Variants in TTLL12 observed in about 807,000 individuals in gnomAD.
TTLL12 encodes the protein tubulin tyrosine ligase like 12, also known as tubulin--tyrosine ligase-like protein 12.
A neutral mutation model predicts 79.6 loss-of-function variants in TTLL12; 77 were observed. The observed-to-expected ratio is 0.97, with a 90% CI of 0.81 to 1.17. The LOEUF is 1.17. Among genes scored for constraint, TTLL12 ranks in the 50% most tolerant of loss-of-function variants. The probability of loss-of-function intolerance (pLI) is 0.00; values close to 1 mark genes in which losing one functional copy is unlikely to be tolerated. For missense variants in TTLL12, 969 were observed against 895.9 expected, an observed-to-expected ratio of 1.08 and a Z score of -1.04; for synonymous variants, 437 against 376.1, an observed-to-expected ratio of 1.16 and a Z score of -1.87.
Position 43,179,853 on chromosome 22 carries a change from G to C in TTLL12, c.694C>G (p.Leu232Val), listed in dbSNP as rs1338440571. ...AYTLLWPLRDLDTGEEVTRDF... is the reference protein window; with the variant it reads ...AYTLLWPLRDVDTGEEVTRDF... ...GTGCTGGACTTACCGCCAGTGTCCA[G>C]GTCCCTCAGGGGCCACAGCAGCGTG... Residue 232 changes from leucine to valine, a missense_variant, in exon 4 of 14, where the codon CTG becomes GTG. Leu to Val is a conservative substitution (Grantham distance 32, BLOSUM62 1). Transcript: ENST00000216129. The C allele has an allele frequency of 1.9e-6, 3 of 1,593,916 alleles. No homozygotes were observed. Among genetic ancestry groups the C allele is most frequent in the Non-Finnish European group, 2.6e-6 (3 of 1,169,716 alleles).
In TTLL12 at chr22:43,168,957, C is replaced by G. The variant is rs138931; in HGVS notation, c.1645-45G>C. On this transcript the variant is annotated intron_variant, in intron 12 of 13. Coordinates refer to ENST00000216129, the MANE Select transcript of TTLL12 (RefSeq NM_015140.4). Reference sequence around the variant, plus strand: ...AGTTACGAGGCCTGCTCAGAACAGCCTCTCAAGAGGGGGTCTGCTGCCCCT... The same window carrying G: ...AGTTACGAGGCCTGCTCAGAACAGCGTCTCAAGAGGGGGTCTGCTGCCCCT... 0.7 allele frequency: 1,093,328 copies of G among 1,568,662 alleles called. 385,061 individuals are homozygous for G. The highest frequency in any genetic ancestry group is 0.97 in the East Asian group (42,609 of 43,706).
At position 43,168,807 on chromosome 22, in the gene TTLL12, C is replaced by A. The variant is rs749825247; in HGVS notation, c.1750G>T (p.Asp584Tyr). The A allele has an allele frequency of 6.3e-7, 1 of 1,574,928 alleles. No individual in the cohort carries two copies. The highest frequency in any genetic ancestry group is 1.9e-5 in the Admixed American group (1 of 53,466). ...CCGTTGTCCCACTTCAGCATGAGGT[C>A]GACGGCATACATGGCCCGGGATGAG... ...YPSSRAMYAV[D>Y]LMLKWDNGPD... The change falls in exon 13 of 14, where the codon GAC becomes TAC. Residue 584 changes from aspartate (D) to tyrosine (Y), a missense_variant. Coordinates refer to ENST00000216129, the MANE Select transcript of TTLL12 (RefSeq NM_015140.4).
chr22:43,176,230 G>T, intron 6 of TTLL12, 90 bp downstream of exon 6: 3 of 976,646 alleles, frequency 3.1e-6, no homozygotes, highest in Non-Finnish European at 4.8e-6. Context: ...CACGTGCCAA[G>T]CACTGTTCTG....
chr22:43,186,266 C>T, intron 1 of TTLL12, among the ~76,000 whole-genome samples: 1 of 151,576 alleles, frequency 6.6e-6, no homozygotes, highest in Non-Finnish European at 1.5e-5. Context: ...GGCTCATCCC[C>T]AGCCAGGACA....
At chr22:43,182,948 G>A in intron 2 of TTLL12, 32 bp downstream of exon 2, 1 of 1,603,662 alleles carries the variant, frequency 6.2e-7, no homozygotes, top group Non-Finnish European at 8.5e-7. Context: ...ACCAAGTGAA[G>A]GTTGTGGTGG....
At chr22:43,169,000 C>T (rs1379883361) in intron 12 of TTLL12, 88 bp from the exon 13 acceptor site, 3 of 1,471,626 alleles carry the variant, frequency 2.0e-6, no homozygotes, top group Non-Finnish European at 2.7e-6. Flanking sequence ...TCCCGGGCCC[C>T]ACGTGGCCCA....
At chr22:43,185,250 TATATATA>T in intron 1 of TTLL12, among the ~76,000 whole-genome samples, 3 of 334 alleles carry the variant, frequency 9.0e-3, no homozygotes, top group Admixed American at 0.017. Flanking sequence ...AAAAAAATTA[TATATATA>T]TATATATATA....
intron 2 of TTLL12, 101 bp from the exon 3 acceptor site, chr22:43,181,041 G>T (rs1178524910): frequency 1.5e-6 from 2 of 1,341,700 alleles, no homozygotes; most frequent in Non-Finnish European, 1.0e-6. Flanking sequence ...CAGGGCCCAA[G>T]CTTCCTTAGA....
intron 2 of TTLL12, among the ~76,000 whole-genome samples, chr22:43,181,532 G>C (rs113395591): frequency 0.01 from 1,582 of 152,334 alleles, 26 homozygotes; most frequent in African/African-American, 0.036. Flanking sequence ...CCCACACACA[G>C]GACCCCTGCA....
At chr22:43,169,699 A>C (rs1432167901) in intron 11 of TTLL12, 131 bp from the exon 12 acceptor site, 2 of 871,980 alleles carry the variant, frequency 2.3e-6, no homozygotes, top group Non-Finnish European at 3.7e-6. Context: ...GCCAACCCCG[A>C]ACCCTCAGGG....
At position 43,185,920 on chromosome 22, in the gene TTLL12, G is replaced by A. The variant is rs185480307; in HGVS notation, c.177+973C>T. 14 of 976,682 alleles carry A rather than the reference G, an allele frequency of 1.4e-5. No individual in the cohort carries two copies. The South Asian group carries it at 2.4e-4, about 17-fold the overall frequency. 60.5% of individuals were successfully genotyped at this position (976,682 alleles called of 1,614,324 possible). On this transcript the variant is annotated intron_variant, in intron 1 of 13. Coordinates refer to ENST00000216129, the MANE Select transcript of TTLL12 (RefSeq NM_015140.4). ...CATATGGCAGAAGTGAGGGGCAGAG[G>A]AAACTCTCTGTTACACTGTAGCATA...
At position 43,166,625 on chromosome 22, in the gene TTLL12, G is replaced by GAGA. The variant is rs1216340585; in HGVS notation, c.*1380_*1382dup. 2 of 152,308 alleles carry GAGA rather than the reference G, an allele frequency of 1.3e-5. No individual in the cohort carries two copies. The highest frequency in any genetic ancestry group is 6.5e-5 in the Admixed American group (1 of 15,292). The allele number at this position is 152,308 out of a possible 1,614,324, so 9.4% of individuals were successfully genotyped here. On this transcript the variant is annotated 3_prime_UTR_variant, in exon 14 of 14. Transcript: ENST00000216129. ...CAAAGAGAAAGGAGGGCAGAAATAA[G>GAGA]AGAAGATGGCCTTTATTGCAGCACG...
At position 43,167,195 on chromosome 22, in the gene TTLL12, C is replaced by T. The variant is rs551031227; in HGVS notation, c.*813G>A. The T allele has an allele frequency of 1.9e-5, 10 of 532,082 alleles. No individual in the cohort carries two copies. In the East Asian group the frequency reaches 5.5e-4, roughly 29 times the overall value. The allele number at this position is 532,082 out of a possible 1,614,324, so 33.0% of individuals were successfully genotyped here. ...CTCCACCGCCCACAATCAGCCCCAG[C>T]CCCAGGCGCCCCTTGCCGAAGGATC... On this transcript the variant is annotated 3_prime_UTR_variant, in exon 14 of 14. Coordinates refer to ENST00000216129, the MANE Select transcript of TTLL12 (RefSeq NM_015140.4).
In TTLL12 at chr22:43,180,844, C is replaced by A; in HGVS notation, c.444G>T (p.Leu148=). The A allele has an allele frequency of 6.2e-7, 1 of 1,613,118 alleles. No individual in the cohort carries two copies. The highest frequency in any genetic ancestry group is 8.5e-7 in the Non-Finnish European group (1 of 1,179,962). ...GCTCACCGTGGAACTCAATGCCCAT[C>A]AGGTTGGCCATGCGGTGCAGCAGCC... ...VPGLLHRMAN[L]MGIEFHGELP... is the part of the protein sequence containing the mutation. The change falls in exon 3 of 14, where the codon CTG becomes CTT. Residue 148 remains leucine (L), a synonymous_variant. Coordinates refer to ENST00000216129, the MANE Select transcript of TTLL12 (RefSeq NM_015140.4).
At chr22:43,172,054 C>G (rs138937) in intron 10 of TTLL12, among the ~76,000 whole-genome samples, 154 bp from the exon 11 acceptor site, 45,055 of 152,222 alleles carry the variant, frequency 0.3, 7,846 homozygotes, top group Middle Eastern at 0.39. Flanking sequence ...GTCTGTGTGG[C>G]TGGGGGAGCC....
At chr22:43,175,432 G>C (rs1395421447) in intron 6 of TTLL12, 2 of 152,280 alleles carry the variant, frequency 1.3e-5, no homozygotes, top group African/African-American at 4.8e-5. Flanking sequence ...TCCCTGCTGT[G>C]GGGAGGGCTG....
chr22:43,172,809 T>G (rs560805837), intron 9 of TTLL12, among the ~76,000 whole-genome samples: 1 of 152,080 alleles, frequency 6.6e-6, no homozygotes, highest in Non-Finnish European at 1.5e-5. Flanking sequence ...GCGATTCTCC[T>G]GCCTCAGCCT....
Position 43,167,966 on chromosome 22 carries a change from T to A in TTLL12, c.*42A>T. ...CAGAAGCAGCTCAGAGAACTGAGGT[T>A]GGAATCCTGCCCCAAGCACAGGTTT... On this transcript the variant is annotated 3_prime_UTR_variant, in exon 14 of 14. Coordinates refer to ENST00000216129, the MANE Select transcript of TTLL12 (RefSeq NM_015140.4). 3 of 1,596,754 alleles carry A rather than the reference T, an allele frequency of 1.9e-6. No homozygotes were observed. Among genetic ancestry groups the A allele is most frequent in the Non-Finnish European group, 2.6e-6 (3 of 1,168,660 alleles).
At chr22:43,171,707 C>T (rs1931769194) in intron 11 of TTLL12, 112 bp downstream of exon 11, 2 of 815,538 alleles carry the variant, frequency 2.5e-6, no homozygotes, top group East Asian at 5.1e-5. Context: ...CAGGAGGCGG[C>T]TCCTGGGACT....
Sources: gnomAD v4.1 joint callset for allele counts (sites outside exome capture counted in the v4.1 genomes callset) on GRCh38, gnomAD v4.1.1 for gene constraint, MANE v1.5 for transcripts, NCBI Gene and HGNC (gene_info 2026-07-23, HGNC 2026-07-21) for gene names.